KCNT2: variants seen among roughly 807,000 people sequenced by gnomAD.
KCNT2 encodes the protein potassium sodium-activated channel subfamily T member 2.
In KCNT2, 67 loss-of-function variants were observed where a neutral mutation model predicts 153.8. The ratio of observed to expected loss-of-function variants is 0.44; its 90% confidence interval spans 0.36 to 0.53. The LOEUF is 0.53. KCNT2 is among the 20% of genes least tolerant of loss of function. The pLI is 0.00. For synonymous variants in KCNT2, 500 were observed against 458.8 expected (o/e 1.09, Z -1.15); for missense variants, 975 against 1,354.8 (o/e 0.72, Z 4.40).
intron 8 of KCNT2, among the ~76,000 whole-genome samples, chr1:196,463,827 G>C (rs1053329935): frequency 6.6e-6 from 1 of 151,708 alleles, no homozygotes; most frequent in Admixed American, 6.6e-5. Context: ...GCAGAAAGTA[G>C]GAGTGCATAG....
chr1:196,267,005 G>A (rs925068057), intron 25 of KCNT2, among the ~76,000 whole-genome samples: 20 of 152,232 alleles, frequency 1.3e-4, no homozygotes, highest in Middle Eastern at 6.8e-3. Flanking sequence ...CACAGATCCC[G>A]ATCCCCACAG....
chr1:196,359,666 C>A (rs559723163), intron 14 of KCNT2, among the ~76,000 whole-genome samples: 1 of 151,898 alleles, frequency 6.6e-6, no homozygotes, highest in African/African-American at 2.4e-5. Context: ...TCTGGCAGAA[C>A]ATAGTAAAAT....
chr1:196,345,534 G>T (rs1406082656), intron 14 of KCNT2, among the ~76,000 whole-genome samples: 1 of 152,160 alleles, frequency 6.6e-6, no homozygotes, highest in East Asian at 1.9e-4. Flanking sequence ...CTGTACTATG[G>T]CTTTGACCTT....
At chr1:196,378,678 GACAA>G (rs1161085432) in intron 13 of KCNT2, among the ~76,000 whole-genome samples, 3 of 148,550 alleles carry the variant, frequency 2.0e-5, no homozygotes, top group East Asian at 2.0e-4. Context: ...TATTTATATA[GACAA>G]ACAACATTAT....
chr1:196,374,255 A>T (rs1668764930), intron 13 of KCNT2, among the ~76,000 whole-genome samples: 1 of 151,870 alleles, frequency 6.6e-6, no homozygotes, highest in African/African-American at 2.4e-5. Context: ...AGTGAGCTAG[A>T]TCTATAAAAT....
chr1:196,348,588 T>A (rs1246067591), intron 14 of KCNT2, among the ~76,000 whole-genome samples: 3 of 152,190 alleles, frequency 2.0e-5, no homozygotes, highest in African/African-American at 7.2e-5. Context: ...ATGTCCACAT[T>A]TGTTTTCAAA....
intron 14 of KCNT2, among the ~76,000 whole-genome samples, chr1:196,345,053 A>G (rs1666023814): frequency 6.6e-6 from 1 of 152,168 alleles, no homozygotes; most frequent in African/African-American, 2.4e-5. Flanking sequence ...CTCATTAGCT[A>G]ATACACAAAA....
chr1:196,467,949 T>A (rs1019970170), intron 6 of KCNT2, among the ~76,000 whole-genome samples, 163 bp from the exon 7 acceptor site: 6 of 152,238 alleles, frequency 3.9e-5, no homozygotes, highest in Middle Eastern at 3.4e-3. Context: ...GGAATTGATA[T>A]GTTCTTTCAT....
intron 26 of KCNT2, among the ~76,000 whole-genome samples, chr1:196,242,998 C>T (rs896772884): frequency 1.3e-5 from 2 of 152,142 alleles, no homozygotes; most frequent in African/African-American, 4.8e-5. Flanking sequence ...AGTGTGGCAA[C>T]TACTACCATA....
At chr1:196,449,261 A>G (rs1675949483) in intron 8 of KCNT2, among the ~76,000 whole-genome samples, 1 of 151,734 alleles carries the variant, frequency 6.6e-6, no homozygotes, top group Non-Finnish European at 1.5e-5. Flanking sequence ...ATGAAATTCT[A>G]ATGAGATATT....
intron 1 of KCNT2, among the ~76,000 whole-genome samples, chr1:196,544,394 T>C (rs1389049437): frequency 6.6e-6 from 1 of 151,972 alleles, no homozygotes; most frequent in African/African-American, 2.4e-5. Context: ...AAATGTAAAC[T>C]GGAAGAAGCC....
chr1:196,230,425 G>T (rs192032944), intron 27 of KCNT2, among the ~76,000 whole-genome samples: 1 of 151,950 alleles, frequency 6.6e-6, no homozygotes, highest in Non-Finnish European at 1.5e-5. Flanking sequence ...CCTTGATAAG[G>T]CACCTGGTCA....
intron 2 of KCNT2, among the ~76,000 whole-genome samples, chr1:196,492,018 A>G (rs1679895678): frequency 6.6e-6 from 1 of 152,082 alleles, no homozygotes; most frequent in East Asian, 1.9e-4. Context: ...CTACTTATTA[A>G]CATGGAATTT....
chr1:196,240,483 T>C (rs1183618677), intron 26 of KCNT2, among the ~76,000 whole-genome samples: 2 of 152,166 alleles, frequency 1.3e-5, no homozygotes, highest in Non-Finnish European at 2.9e-5. Flanking sequence ...ATAAAGGTTA[T>C]GTATTATTAT....
intron 12 of KCNT2, among the ~76,000 whole-genome samples, chr1:196,405,981 T>C (rs748123340): frequency 2.6e-5 from 4 of 151,540 alleles, no homozygotes; most frequent in South Asian, 2.1e-4. Flanking sequence ...CATTCGAATG[T>C]ATTGTTGTAT....
At chr1:196,583,236 A>G (rs1422706181) in intron 1 of KCNT2, among the ~76,000 whole-genome samples, 1 of 152,136 alleles carries the variant, frequency 6.6e-6, no homozygotes, top group African/African-American at 2.4e-5. Flanking sequence ...AATTGAATCA[A>G]TGAGATCTGT....
intron 21 of KCNT2, among the ~76,000 whole-genome samples, chr1:196,315,296 GT>G (rs1662598231): frequency 6.6e-6 from 1 of 151,606 alleles, no homozygotes; most frequent in African/African-American, 2.4e-5. Flanking sequence ...TGACAGACGA[GT>G]TTGACTTTAC....
intron 1 of KCNT2, among the ~76,000 whole-genome samples, chr1:196,547,943 T>C (rs1321172424): frequency 2.0e-5 from 3 of 151,818 alleles, no homozygotes; most frequent in Non-Finnish European, 4.4e-5. Flanking sequence ...TAAAATGCAA[T>C]TCTGATCTGG....
At chr1:196,307,378 T>G (rs1025536333) in intron 21 of KCNT2, among the ~76,000 whole-genome samples, 11 of 152,102 alleles carry the variant, frequency 7.2e-5, no homozygotes, top group African/African-American at 2.7e-4. Context: ...TCAAATCCAT[T>G]CAAGATGAAA....
Sources: allele counts gnomAD v4.1 joint callset (sites outside exome capture counted in the v4.1 genomes callset), GRCh38; gene constraint gnomAD v4.1.1; transcripts MANE v1.5; gene names NCBI Gene and HGNC (gene_info 2026-07-23, HGNC 2026-07-21).